Variants in FRMPD4 observed in about 807,000 individuals in gnomAD.
FRMPD4 encodes FERM and PDZ domain-containing protein 4.
In FRMPD4, 22 loss-of-function variants were observed where a neutral mutation model predicts 94.1. That is an observed-to-expected ratio of 0.23 (90% CI 0.17 to 0.33). FRMPD4 has a LOEUF of 0.33. Ranked by LOEUF, FRMPD4 falls within the 10% of genes least tolerant of loss-of-function variation. The pLI is 1.00. For synonymous variants in FRMPD4, 631 were observed against 548.6 expected (o/e 1.15, Z -2.10); for missense variants, 1,111 against 1,339.9 (o/e 0.83, Z 2.67).
chrX:12,294,467 T>TACACACACACACACACACAC (rs766103055), intron 1 of FRMPD4, among the ~76,000 whole-genome samples: 938 of 87,248 alleles, frequency 0.011, 14 homozygotes, highest in African/African-American at 0.039. Context: ...CTCATAACTG[T>TACACACACACACACACACAC]ACACACACAC....
chrX:12,644,162 T>A (rs2059526098), intron 4 of FRMPD4, among the ~76,000 whole-genome samples: 1 of 111,054 alleles, frequency 9.0e-6, no homozygotes, highest in Non-Finnish European at 1.9e-5. Flanking sequence ...CTCCAACTCC[T>A]GAGCTGAAGT....
chrX:12,535,510 A>G (rs150245894), intron 2 of FRMPD4, among the ~76,000 whole-genome samples: 22 of 112,440 alleles, frequency 2.0e-4, no homozygotes, highest in African/African-American at 7.1e-4. Context: ...TGTTGGAATC[A>G]GATAAGGTTC....
In FRMPD4 at chrX:12,707,604, G is replaced by C; in HGVS notation, c.1423G>C (p.Glu475Gln). 8.3e-7 allele frequency: 1 copy of C among 1,210,530 alleles called. No individual in the cohort carries two copies. The highest frequency in any genetic ancestry group is 1.1e-6 in the Non-Finnish European group (1 of 894,753). Reference protein sequence around the residue: ...SHVNRIEMFSEEESLVRVELH... With the variant: ...SHVNRIEMFSQEESLVRVELH... ...CGTCAACAGGATCGAAATGTTTTCC[G>C]AGGAGGAGAGCTTGGTGCGGGTAGA... The change falls in exon 13 of 17, where the codon GAG becomes CAG. Residue 475 changes from glutamate to glutamine, a missense_variant. Glu to Gln is a conservative substitution (Grantham distance 29). Coordinates refer to ENST00000675598, the MANE Select transcript of FRMPD4 (RefSeq NM_001368397.1).
intron 4 of FRMPD4, among the ~76,000 whole-genome samples, chrX:12,621,104 A>G (rs903663189): frequency 2.7e-5 from 3 of 111,582 alleles, no homozygotes; most frequent in Non-Finnish European, 5.7e-5. Context: ...GTGGTGTGTG[A>G]CTGTAGTCCC....
intron 2 of FRMPD4, among the ~76,000 whole-genome samples, chrX:12,556,223 T>C (rs1011467709): frequency 6.2e-4 from 69 of 110,887 alleles, no homozygotes; most frequent in African/African-American, 2.2e-3. Context: ...ACTTCTATGA[T>C]TATGTTACTT....
At chrX:12,269,171 C>T (rs2054316033) in intron 1 of FRMPD4, among the ~76,000 whole-genome samples, 1 of 111,400 alleles carries the variant, frequency 9.0e-6, no homozygotes, top group South Asian at 3.8e-4. Context: ...AGGTAATCCA[C>T]AGTCTATCAA....
chrX:12,529,119 G>C (rs765930059), intron 2 of FRMPD4, among the ~76,000 whole-genome samples: 18 of 112,433 alleles, frequency 1.6e-4, no homozygotes, highest in Non-Finnish European at 3.4e-4. Context: ...GGCTGACTAG[G>C]ACTTGGAATC....
intron 3 of FRMPD4, among the ~76,000 whole-genome samples, chrX:12,111,232 A>G (rs964167492): frequency 1.8e-5 from 2 of 111,713 alleles, no homozygotes; most frequent in African/African-American, 6.5e-5. Context: ...TTATAGACCA[A>G]TGGAAGAGAA....
chrX:12,297,862 T>C (rs5935290), intron 1 of FRMPD4, among the ~76,000 whole-genome samples: 22,462 of 110,948 alleles, frequency 0.2, 2,600 homozygotes, highest in African/African-American at 0.43. Flanking sequence ...GATCATGCCA[T>C]ATATCTTACC....
chrX:12,216,727 A>G (rs2056811638), intron 1 of FRMPD4, among the ~76,000 whole-genome samples: 1 of 111,935 alleles, frequency 8.9e-6, no homozygotes, highest in Non-Finnish European at 1.9e-5. Context: ...TTATCCTCAT[A>G]TCTGGGAGGC....
At chrX:12,422,827 C>T (rs999330171) in intron 1 of FRMPD4, among the ~76,000 whole-genome samples, 16 of 112,137 alleles carry the variant, frequency 1.4e-4, no homozygotes, top group African/African-American at 4.9e-4. Flanking sequence ...TTGAACAACA[C>T]ACAGGTTTTT....
intron 1 of FRMPD4, among the ~76,000 whole-genome samples, chrX:12,427,897 C>CTTTTTT (rs139267482): frequency 1.3e-4 from 7 of 54,758 alleles, no homozygotes; most frequent in East Asian, 7.1e-4. Context: ...CCTTTTTTCT[C>CTTTTTT]TTTTTTTTTT....
intron 1 of FRMPD4, among the ~76,000 whole-genome samples, chrX:12,357,359 A>G (rs745573125): frequency 2.7e-5 from 3 of 112,202 alleles, no homozygotes; most frequent in South Asian, 7.5e-4. Flanking sequence ...AGAACTCTAT[A>G]TTTAGTGACT....
Position 12,450,720 on chromosome X carries a change from G to A in FRMPD4, c.42-47960G>A, listed in dbSNP as rs796883999. Among the ~76,000 whole-genome samples the A allele has an allele frequency of 1.5e-4, 17 of 110,250 alleles. 1 individual carries two copies. In the Middle Eastern group the frequency reaches 0.014, roughly 91 times the overall value. ...TATTGGATAGCAGCCAGCAAAAACT[G>A]CCATAGTTTTCCTCAAATAAACATG... On this transcript the variant is annotated intron_variant, in intron 1 of 16. Coordinates refer to ENST00000675598, the MANE Select transcript of FRMPD4 (RefSeq NM_001368397.1).
At chrX:12,423,329 T>C (rs2056908626) in intron 1 of FRMPD4, among the ~76,000 whole-genome samples, 1 of 111,765 alleles carries the variant, frequency 8.9e-6, no homozygotes, top group South Asian at 3.8e-4. Flanking sequence ...AATAAGGTCA[T>C]GGGGTCCAGT....
At chrX:12,483,144 T>C (rs1450593244) in intron 1 of FRMPD4, among the ~76,000 whole-genome samples, 1 of 111,960 alleles carries the variant, frequency 8.9e-6, no homozygotes, top group Admixed American at 9.5e-5. Context: ...GATGAGGAAG[T>C]TAGGCAGAGG....
intron 2 of FRMPD4, among the ~76,000 whole-genome samples, chrX:12,502,810 T>C (rs1423565789): frequency 1.8e-5 from 2 of 112,011 alleles, no homozygotes; most frequent in African/African-American, 6.5e-5. Context: ...TGGGTATAGA[T>C]GATTAGATAC....
chrX:12,126,188 A>G (rs1293926572), intron 3 of FRMPD4, among the ~76,000 whole-genome samples: 1 of 112,430 alleles, frequency 8.9e-6, no homozygotes, highest in Non-Finnish European at 1.9e-5. Context: ...TAGGGAGCTG[A>G]CAACTTAGCC....
chrX:11,830,845 G>C (rs1463549700), intron 1 of FRMPD4, among the ~76,000 whole-genome samples: 2 of 110,993 alleles, frequency 1.8e-5, no homozygotes, highest in East Asian at 5.6e-4. Context: ...AAGTAATTGA[G>C]AGACTGCTTA....
Sources: allele counts gnomAD v4.1 joint callset (sites outside exome capture counted in the v4.1 genomes callset), GRCh38; gene constraint gnomAD v4.1.1; transcripts MANE v1.5; gene names NCBI Gene and HGNC (gene_info 2026-07-23, HGNC 2026-07-21).